The following CPZ variants were observed in gnomAD, a reference collection of about 807,000 sequenced individuals.
CPZ encodes VEZT/CPZ fusion.
In CPZ, 103 loss-of-function variants were observed where a neutral mutation model predicts 61.8. That is an observed-to-expected ratio of 1.67 (90% CI 1.42 to 1.96). The LOEUF is 1.96. CPZ is among the 30% of genes most tolerant of loss of function. CPZ has a pLI of 0.00. For synonymous variants in CPZ, 551 were observed against 373.7 expected, an observed-to-expected ratio of 1.47 and a Z score of -5.47; for missense variants, 1,461 against 914.9, an observed-to-expected ratio of 1.60 and a Z score of -7.70.
At chr4:8,610,693 A>C (rs1201359728) in intron 7 of CPZ, among the ~76,000 whole-genome samples, 1 of 152,160 alleles carries the variant, frequency 6.6e-6, no homozygotes, top group Admixed American at 6.5e-5. Context: ...TCCTGCTATG[A>C]GGCAGGGCAG....
Position 8,614,476 on chromosome 4 carries a change from CA to C in CPZ, c.1482del (p.Leu495SerfsTer2), listed in dbSNP as rs1436870207. The C allele has an allele frequency of 1.2e-6, 2 of 1,613,848 alleles. No homozygotes were observed. The highest frequency in any genetic ancestry group is 1.7e-6 in the Non-Finnish European group (2 of 1,179,862). ...ATACTCTGGCAGCACAACAAGGAGT[CA>C]CTCCTGAATTTCGTGGAGACGGTGA... ...LYILWQHNKE[S>X]LLNFVETVHR... On this transcript the variant is annotated frameshift_variant, in exon 9 of 11. Coordinates refer to ENST00000360986, the MANE Select transcript of CPZ (RefSeq NM_001014447.3). LOFTEE classifies it high-confidence loss of function.
At chr4:8,611,196 C>T in intron 7 of CPZ, 1 of 455,728 alleles carries the variant, frequency 2.2e-6, no homozygotes, top group Non-Finnish European at 4.4e-6. Context: ...ACCTGTCCTG[C>T]TTGGTGGGGC....
rs199625164 is a variant in CPZ, at chr4:8,618,474, C to G, written c.1549C>G (p.Pro517Ala). ...TGTGGTGACAGATAAATTCGGCAAG[C>G]CAGTCAAAAACGCCCGGATCTCAGT... The part of the protein sequence containing the change: ...KGVVTDKFGK[P>A]VKNARISVKG... Residue 517 changes from proline to alanine, a missense_variant, in exon 10 of 11, where the codon CCA becomes GCA. Transcript: ENST00000360986. The G allele has an allele frequency of 1.2e-6, 2 of 1,614,180 alleles. No individual in the cohort carries two copies. The highest frequency in any genetic ancestry group is 1.1e-5 in the South Asian group (1 of 91,086).
rs1560300762 is a variant in CPZ, at chr4:8,612,123, A to C, written c.1324A>C (p.Ser442Arg). Residue 442 changes from serine (S) to arginine (R), a missense_variant, in exon 8 of 11, where the codon AGC becomes CGC. Ser to Arg is a moderately radical substitution (Grantham distance 110, BLOSUM62 -1). Transcript: ENST00000360986. ...RCGGNFLKRG[S>R]IINGADWYSF... ...TGGAGGCAATTTCCTGAAGAGGGGG[A>C]GCATCATCAACGGGGCGGACTGGTA... The C allele has an allele frequency of 1.9e-6, 3 of 1,593,442 alleles. No homozygotes were observed. Among genetic ancestry groups the C allele is most frequent in the Non-Finnish European group, 2.6e-6 (3 of 1,167,890 alleles).
rs750663941 is a variant in CPZ, at chr4:8,606,806, C to A, written c.976C>A (p.Pro326Thr). ...AQNLDLNRNF[P>T]DLTSEYYRLA... ...GAACCTGGATCTGAACCGAAATTTC[C>A]CGGACCTGACGTCCGAGTACTACCG... Residue 326 changes from proline (P) to threonine (T), a missense_variant, in exon 6 of 11, where the codon CCG becomes ACG. Physicochemically the swap from Pro to Thr is conservative, Grantham distance 38. Coordinates refer to ENST00000360986, the MANE Select transcript of CPZ (RefSeq NM_001014447.3). 3.1e-6 allele frequency: 5 copies of A among 1,614,018 alleles called. No individual in the cohort carries two copies. In the African/African-American group the frequency reaches 4.0e-5, roughly 13 times the overall value.
chr4:8,610,075 CA>C (rs1715523656), intron 7 of CPZ, among the ~76,000 whole-genome samples: 2 of 152,218 alleles, frequency 1.3e-5, no homozygotes, highest in African/African-American at 4.8e-5. Flanking sequence ...CTGGCTTTGC[CA>C]ACGCTTGCTG....
chr4:8,595,899 C>G (rs978196050), intron 1 of CPZ, among the ~76,000 whole-genome samples: 4 of 152,274 alleles, frequency 2.6e-5, no homozygotes, highest in Admixed American at 2.6e-4. Flanking sequence ...ACAACAGAGG[C>G]AGGGACTGGA....
In CPZ at chr4:8,601,204, G is replaced by A. The variant is rs555617825; in HGVS notation, c.203G>A (p.Arg68Gln). The change falls in exon 3 of 11, where the codon CGG becomes CAG. Residue 68 changes from arginine to glutamine, a missense_variant. Arg to Gln is a conservative substitution (Grantham distance 43). Coordinates refer to ENST00000360986, the MANE Select transcript of CPZ (RefSeq NM_001014447.3). Reference sequence around the variant, plus strand: ...ACCTTCCCCAACCTGCTTCAGCACCGGTCGTGGGAGGTGGTGGAGGCCAGC... The same window carrying A: ...ACCTTCCCCAACCTGCTTCAGCACCAGTCGTGGGAGGTGGTGGAGGCCAGC... ...HTTFPNLLQH[R>Q]SWEVVEASSE... 46 of 1,613,072 alleles carry A rather than the reference G, an allele frequency of 2.9e-5. No individual in the cohort carries two copies. The African/African-American group carries it at 3.6e-4, about 13-fold the overall frequency.
chr4:8,619,218 T>G (rs1342903823), intron 10 of CPZ, 44 bp from the exon 11 acceptor site: 4 of 1,526,872 alleles, frequency 2.6e-6, no homozygotes, highest in African/African-American at 2.8e-5. Flanking sequence ...CGTGGCTGGG[T>G]CTGCAGTCCT....
intron 8 of CPZ, among the ~76,000 whole-genome samples, chr4:8,614,118 G>A (rs1266637687): frequency 2.6e-5 from 4 of 152,236 alleles, no homozygotes; most frequent in African/African-American, 9.6e-5. Context: ...CTGCAAAGTG[G>A]GGATCATATG....
At position 8,605,745 on chromosome 4, in the gene CPZ, A is replaced by T. The variant is rs929127118; in HGVS notation, c.710-244A>T. 1.1e-4 allele frequency among the ~76,000 whole-genome samples: 17 copies of T among 152,186 alleles called. No individual in the cohort carries two copies. The South Asian group carries it at 1.4e-3, about 13-fold the overall frequency. On this transcript the variant is annotated intron_variant, in intron 4 of 10. Coordinates refer to ENST00000360986, the MANE Select transcript of CPZ (RefSeq NM_001014447.3). ...CCATCAGTTAAATTTGCATGAATCA[A>T]TGATAACATATATTATTCATATTCT...
chr4:8,593,144 G>A (rs1713921803), intron 1 of CPZ, among the ~76,000 whole-genome samples: 1 of 152,170 alleles, frequency 6.6e-6, no homozygotes, highest in South Asian at 2.1e-4. Flanking sequence ...ATCCAGGCCG[G>A]GACCCCAGGC....
chr4:8,619,720 C>T lies in CPZ; in HGVS notation c.*103C>T. 1 of 874,294 alleles carries T rather than the reference C, an allele frequency of 1.1e-6. No homozygotes were observed. 54.2% of individuals were successfully genotyped at this position (874,294 alleles called of 1,614,324 possible). ...CTGCCACAGACATCCCACAAAGCCG[C>T]TGCCATTTTATTAAAGTGTTTTGAT... On this transcript the variant is annotated 3_prime_UTR_variant, in exon 11 of 11. Transcript: ENST00000360986.
chr4:8,618,127 C>T (rs542300246), intron 9 of CPZ: 2 of 376,632 alleles, frequency 5.3e-6, no homozygotes, highest in Non-Finnish European at 9.9e-6. Flanking sequence ...AGAAGAGTGG[C>T]AGGAAAGGGT....
chr4:8,611,148 C>T (rs970467918), intron 7 of CPZ: 3 of 438,922 alleles, frequency 6.8e-6, no homozygotes, highest in African/African-American at 2.0e-5. Context: ...GTCCTCCACT[C>T]CTCCTTTCTG....
intron 2 of CPZ, chr4:8,600,908 G>T: frequency 7.8e-7 from 1 of 1,279,226 alleles, no homozygotes; most frequent in Non-Finnish European, 9.8e-7. Context: ...GCTTGCTGGT[G>T]GGTAGTTGAA....
chr4:8,618,289 A>T, intron 9 of CPZ, 140 bp from the exon 10 acceptor site: 2 of 693,516 alleles, frequency 2.9e-6, no homozygotes, highest in East Asian at 2.7e-5. Context: ...TGGCAGAGCG[A>T]GGGCTGGCAG....
At chr4:8,616,303 C>A (rs1716153803) in intron 9 of CPZ, among the ~76,000 whole-genome samples, 2 of 152,108 alleles carry the variant, frequency 1.3e-5, no homozygotes, top group African/African-American at 4.8e-5. Context: ...GGCGTGGCAG[C>A]TCTCTTTCCC....
At chr4:8,618,853 G>A (rs1033758717) in intron 10 of CPZ, among the ~76,000 whole-genome samples, 1 of 152,222 alleles carries the variant, frequency 6.6e-6, no homozygotes, top group South Asian at 2.1e-4. Flanking sequence ...CTATCCCAAA[G>A]TTCATACCCT....
Sources: allele counts gnomAD v4.1 joint callset (sites outside exome capture counted in the v4.1 genomes callset), GRCh38; gene constraint gnomAD v4.1.1; transcripts MANE v1.5; gene names NCBI Gene and HGNC (gene_info 2026-07-23, HGNC 2026-07-21).